FBLN1: variants seen among roughly 807,000 people sequenced by gnomAD.
The protein encoded by FBLN1 is fibulin-1.
In FBLN1, 34 loss-of-function variants were observed where a neutral mutation model predicts 89.7. The observed-to-expected ratio is 0.38, with a 90% confidence interval of 0.29 to 0.50. FBLN1 has a LOEUF of 0.50. FBLN1 is among the 20% of genes least tolerant of loss of function. FBLN1 has a pLI of 0.92. For synonymous variants in FBLN1, 393 were observed against 391.3 expected, an observed-to-expected ratio of 1.00 and a Z score of -0.05; for missense variants, 777 against 988.1, an observed-to-expected ratio of 0.79 and a Z score of 2.86.
intron 14 of FBLN1, among the ~76,000 whole-genome samples, chr22:45,564,287 C>T (rs1474514717): frequency 1.3e-5 from 2 of 152,244 alleles, no homozygotes; most frequent in Non-Finnish European, 2.9e-5. Flanking sequence ...CCCTACAGCT[C>T]ATTCTTTGCT....
At chr22:45,566,989 G>A (rs2088906225) in intron 14 of FBLN1, among the ~76,000 whole-genome samples, 1 of 152,252 alleles carries the variant, frequency 6.6e-6, no homozygotes, top group Non-Finnish European at 1.5e-5. Context: ...GCAGCCTAGG[G>A]AAGCAAGCAG....
In FBLN1 at chr22:45,563,882, T is replaced by C. The variant is rs1404996568; in HGVS notation, c.1698-10629T>C. Among the ~76,000 whole-genome samples the C allele has an allele frequency of 2.0e-5, 3 of 152,204 alleles. No individual in the cohort carries two copies. Among genetic ancestry groups the C allele is most frequent in the Admixed American group, 6.5e-5 (1 of 15,288 alleles). On this transcript the variant is annotated intron_variant, in intron 14 of 16. Coordinates refer to ENST00000327858, the MANE Select transcript of FBLN1 (RefSeq NM_006486.3). This position sits in a 1 kb window ranked among gnomAD's most constrained non-coding sequence, Gnocchi z 5.7. Reference sequence around the variant, plus strand: ...CTTGATCAGAAGCCCAAATCTGTGGTGCAGAAACACGGGATGCGGTTGCGG... The same window carrying C: ...CTTGATCAGAAGCCCAAATCTGTGGCGCAGAAACACGGGATGCGGTTGCGG...
chr22:45,531,614 C>A lies in FBLN1; in HGVS notation c.544+290C>A, dbSNP rs911827966. The stretch of plus-strand genomic sequence containing the variant: ...AATCCAGGTTTTGCTTTGGTTTACC[C>A]TGCAAAGTACCCTTTGGCTGGGAGC... On this transcript the variant is annotated intron_variant, in intron 5 of 16. Transcript: ENST00000327858. This position sits in a 1 kb window ranked among gnomAD's most constrained non-coding sequence, Gnocchi z 4.9. Among the ~76,000 whole-genome samples, 4 of 152,246 alleles carry A rather than the reference C, an allele frequency of 2.6e-5. No individual in the cohort carries two copies. Among genetic ancestry groups the A allele is most frequent in the African/African-American group, 9.6e-5 (4 of 41,466 alleles).
At chr22:45,558,482 A>C (rs980933153) in intron 14 of FBLN1, 2 of 163,528 alleles carry the variant, frequency 1.2e-5, no homozygotes, top group African/African-American at 4.8e-5. Context: ...GGGGCCTGCC[A>C]AAGGCTGCAG....
chr22:45,519,896 G>A (rs751302425), intron 2 of FBLN1, among the ~76,000 whole-genome samples: 17 of 152,180 alleles, frequency 1.1e-4, no homozygotes, highest in South Asian at 4.1e-4. Context: ...TCACCCGGGC[G>A]CGGTGGCTCA....
rs1342489821 is a variant in FBLN1, at chr22:45,600,267, TC to T, written c.1973-37del. On this transcript the variant is annotated intron_variant, in intron 16 of 16. Coordinates refer to ENST00000327858, the MANE Select transcript of FBLN1 (RefSeq NM_006486.3). The stretch of plus-strand genomic sequence containing the variant: ...TTCCCAGATCTCTACGTTGCTGCAG[TC>T]CCTTCTAACTTCCAGCACACCTTCT... The T allele has an allele frequency of 3.1e-6, 5 of 1,613,858 alleles. No individual in the cohort carries two copies. The Admixed American group carries it at 8.3e-5, about 27-fold the overall frequency.
chr22:45,598,324 C>T (rs533677583), intron 16 of FBLN1, among the ~76,000 whole-genome samples: 1 of 152,308 alleles, frequency 6.6e-6, no homozygotes, highest in East Asian at 1.9e-4. Flanking sequence ...TAGAAATTGG[C>T]CGATGGTACG....
chr22:45,541,389 CA>C lies in FBLN1; in HGVS notation c.1066+20del, dbSNP rs1400639261. On this transcript the variant is annotated intron_variant, in intron 9 of 16. Coordinates refer to ENST00000327858, the MANE Select transcript of FBLN1 (RefSeq NM_006486.3). ...GCTGTGTTGGTTGGTATTAAGAAAA[CA>C]AATCTGAAATCCACTTTCCTGTCTG... 6.2e-7 allele frequency: 1 copy of C among 1,614,042 alleles called. No homozygotes were observed. The highest frequency in any genetic ancestry group is 8.5e-7 in the Non-Finnish European group (1 of 1,180,026).
chr22:45,533,731 T>TC, intron 6 of FBLN1, 30 bp from the exon 7 acceptor site: 1 of 1,606,308 alleles, frequency 6.2e-7, no homozygotes, highest in Non-Finnish European at 8.5e-7. Context: ...TTCTTGCTGG[T>TC]CACCCCCGCA....
At chr22:45,593,459 C>G (rs1192338798) in intron 16 of FBLN1, among the ~76,000 whole-genome samples, 2 of 152,186 alleles carry the variant, frequency 1.3e-5, no homozygotes, top group Non-Finnish European at 2.9e-5. Context: ...CTTTAAGAGG[C>G]ACAGACACGC....
chr22:45,547,778 T>C (rs1322287256), intron 12 of FBLN1, among the ~76,000 whole-genome samples: 1 of 152,052 alleles, frequency 6.6e-6, no homozygotes, highest in Non-Finnish European at 1.5e-5. Flanking sequence ...TGACTTGTTC[T>C]TTAATAAATG....
At chr22:45,546,009 A>G (rs938115492) in intron 11 of FBLN1, among the ~76,000 whole-genome samples, 1 of 152,046 alleles carries the variant, frequency 6.6e-6, no homozygotes, top group African/African-American at 2.4e-5. Flanking sequence ...TTAGCCGGGC[A>G]TGGTGGTGCA....
Position 45,542,301 on chromosome 22 carries a change from C to A in FBLN1, c.1195+18C>A, listed in dbSNP as rs776927933. On this transcript the variant is annotated intron_variant, in intron 10 of 16. Coordinates refer to ENST00000327858, the MANE Select transcript of FBLN1 (RefSeq NM_006486.3). ...GTGTGTCGGTGCGTGGGGGGCCCCG[C>A]AGGCCTCGGGGGAACCCAGCCACGT... 3.7e-6 allele frequency: 6 copies of A among 1,613,472 alleles called. No homozygotes were observed. The highest frequency in any genetic ancestry group is 5.1e-6 in the Non-Finnish European group (6 of 1,179,996).
At chr22:45,551,418 G>C (rs1171184925) in intron 14 of FBLN1, among the ~76,000 whole-genome samples, 1 of 152,228 alleles carries the variant, frequency 6.6e-6, no homozygotes, top group Non-Finnish European at 1.5e-5. Context: ...CTCTTGGCCA[G>C]CTGCCCCCGC....
intron 14 of FBLN1, among the ~76,000 whole-genome samples, chr22:45,559,969 C>CT (rs376231252): frequency 1.0e-3 from 153 of 152,288 alleles, no homozygotes; most frequent in African/African-American, 3.4e-3. Flanking sequence ...CCGTGATTCT[C>CT]TTTTTTTGTA....
At position 45,524,025 on chromosome 22, in the gene FBLN1, G is replaced by A. The variant is rs115731172; in HGVS notation, c.186-1518G>A. Among the ~76,000 whole-genome samples, 875 of 152,306 alleles carry A rather than the reference G, an allele frequency of 5.7e-3. 10 individuals are homozygous for A. The highest frequency in any genetic ancestry group is 0.02 in the African/African-American group (817 of 41,572). On this transcript the variant is annotated intron_variant, in intron 2 of 16. Coordinates refer to ENST00000327858, the MANE Select transcript of FBLN1 (RefSeq NM_006486.3). ...CGCTCTGGCAGTTTAGTGAAACGCCGTTATTTGCAAATCCACCGAAAGCAT... is the reference window on the plus strand; with the variant it reads ...CGCTCTGGCAGTTTAGTGAAACGCCATTATTTGCAAATCCACCGAAAGCAT...
chr22:45,535,996 A>G (rs1332433531), intron 8 of FBLN1, among the ~76,000 whole-genome samples: 1 of 152,232 alleles, frequency 6.6e-6, no homozygotes, highest in East Asian at 1.9e-4. Flanking sequence ...CAGCCTGGGC[A>G]ATATAGCGAG....
intron 1 of FBLN1, 90 bp downstream of exon 1, chr22:45,503,154 G>C: frequency 9.5e-7 from 1 of 1,052,318 alleles, no homozygotes; most frequent in Non-Finnish European, 1.2e-6. Flanking sequence ...ACGGGGACTC[G>C]GAGTCCGTGC....
intron 7 of FBLN1, among the ~76,000 whole-genome samples, chr22:45,534,703 C>T (rs5765456): frequency 0.81 from 122,874 of 151,914 alleles, 49,856 homozygotes; most frequent in Middle Eastern, 0.86. Flanking sequence ...GCCCAGTGGC[C>T]AAGCCAGCTG....
Sources: gnomAD v4.1 joint callset for allele counts (sites outside exome capture counted in the v4.1 genomes callset) on GRCh38, gnomAD v4.1.1 for gene constraint, Gnocchi (gnomAD v3.1) non-coding constraint, MANE v1.5 for transcripts, NCBI Gene and HGNC (gene_info 2026-07-23, HGNC 2026-07-21) for gene names.